Variants in UBR1 observed in about 807,000 individuals in gnomAD.
The protein encoded by UBR1 is E3 ubiquitin-protein ligase UBR1.
A neutral mutation model predicts 242.1 loss-of-function variants in UBR1; 102 were observed. The observed-to-expected ratio is 0.42, with a 90% CI of 0.36 to 0.50. The LOEUF (loss-of-function observed/expected upper bound fraction) is 0.50, where lower values mean the gene tolerates loss of function less well. UBR1 is among the 20% of genes least tolerant of loss of function. UBR1 has a pLI of 0.01. For synonymous variants in UBR1, 675 were observed against 684.8 expected (o/e 0.99, Z 0.22); for missense variants, 1,772 against 2,101.8 (o/e 0.84, Z 3.07).
chr15:42,992,828 T>C (rs1280592989), intron 33 of UBR1, among the ~76,000 whole-genome samples: 1 of 152,232 alleles, frequency 6.6e-6, no homozygotes, highest in Non-Finnish European at 1.5e-5. Context: ...GTCAGTCAGA[T>C]TTATGACTGC....
At chr15:43,027,320 A>C (rs1303908581) in intron 22 of UBR1, among the ~76,000 whole-genome samples, 2 of 152,130 alleles carry the variant, frequency 1.3e-5, no homozygotes, top group African/African-American at 4.8e-5. Context: ...GAAATTCACT[A>C]TCAGTATCGA....
At chr15:43,072,838 A>C (rs1464837885) in intron 4 of UBR1, among the ~76,000 whole-genome samples, 1 of 152,190 alleles carries the variant, frequency 6.6e-6, no homozygotes, top group African/African-American at 2.4e-5. Context: ...AAATGTTAAA[A>C]CTATGTACTT....
At chr15:42,959,124 C>A (rs767147387) in intron 43 of UBR1, among the ~76,000 whole-genome samples, 6 of 152,240 alleles carry the variant, frequency 3.9e-5, no homozygotes, top group Non-Finnish European at 7.3e-5. Flanking sequence ...AGCCACGGCG[C>A]CTGGCCCCAA....
Position 43,068,043 on chromosome 15 carries a change from G to GAA in UBR1, c.660-9_660-8dup. On this transcript the variant is annotated splice_polypyrimidine_tract_variant and splice_region_variant and intron_variant, in intron 5 of 46. Coordinates refer to ENST00000290650, the MANE Select transcript of UBR1 (RefSeq NM_174916.3). ...GTATCTTTCATTTTTCTCCCTGTTA[G>GAA]AAAAAAAACATATATATTTGGATAC... 1 of 1,206,444 alleles carries GAA rather than the reference G, an allele frequency of 8.3e-7. No homozygotes were observed. The highest frequency in any genetic ancestry group is 1.7e-5 in the South Asian group (1 of 59,430). 74.7% of individuals were successfully genotyped at this position (1,206,444 alleles called of 1,614,324 possible).
chr15:43,074,579 G>A (rs1431167477), intron 4 of UBR1, among the ~76,000 whole-genome samples: 1 of 152,022 alleles, frequency 6.6e-6, no homozygotes, highest in East Asian at 1.9e-4. Context: ...ACAGGTGTGT[G>A]CCACCACACC....
chr15:42,968,885 T>C (rs528188138), intron 40 of UBR1, among the ~76,000 whole-genome samples: 6 of 152,344 alleles, frequency 3.9e-5, no homozygotes, highest in African/African-American at 1.2e-4. Flanking sequence ...CCATGGTGTG[T>C]ATGTGCCACA....
chr15:43,043,489 T>G (rs2033445691), intron 14 of UBR1, 94 bp from the exon 15 acceptor site: 1 of 1,148,880 alleles, frequency 8.7e-7, no homozygotes, highest in Non-Finnish European at 1.3e-6. Context: ...TGGCCTAGGC[T>G]GGAGTACAGT....
intron 46 of UBR1, among the ~76,000 whole-genome samples, chr15:42,949,821 T>TA (rs2031799828): frequency 6.7e-6 from 1 of 150,030 alleles, no homozygotes; most frequent in African/African-American, 2.4e-5. Context: ...AATAAATAAA[T>TA]AATAAAAATA....
At chr15:43,103,947 T>C (rs945914610) in intron 1 of UBR1, among the ~76,000 whole-genome samples, 21 of 151,428 alleles carry the variant, frequency 1.4e-4, no homozygotes, top group African/African-American at 4.6e-4. Context: ...AAGAGAGAGG[T>C]AGAATGATCT....
At chr15:43,050,050 C>T (rs555013214) in intron 12 of UBR1, among the ~76,000 whole-genome samples, 3 of 152,248 alleles carry the variant, frequency 2.0e-5, no homozygotes, top group East Asian at 1.9e-4. Flanking sequence ...CTCTCAGGCT[C>T]GAGTAATCCT....
chr15:43,004,795 C>T (rs185036786), intron 30 of UBR1, among the ~76,000 whole-genome samples: 5 of 152,292 alleles, frequency 3.3e-5, no homozygotes, highest in East Asian at 3.9e-4. Flanking sequence ...TCTGCCCAGC[C>T]GCCACCCCGT....
intron 20 of UBR1, among the ~76,000 whole-genome samples, chr15:43,030,429 G>T (rs1434122575): frequency 6.6e-6 from 1 of 152,202 alleles, no homozygotes; most frequent in East Asian, 1.9e-4. Flanking sequence ...ATGGCTGATG[G>T]CATCTGAATG....
chr15:42,971,461 A>G (rs1372891823), intron 39 of UBR1, among the ~76,000 whole-genome samples: 1 of 152,240 alleles, frequency 6.6e-6, no homozygotes, highest in Non-Finnish European at 1.5e-5. Context: ...AACTTGATAT[A>G]CAAATGTCTA....
At chr15:43,052,067 CAT>C (rs2033563861) in intron 12 of UBR1, among the ~76,000 whole-genome samples, 1 of 152,138 alleles carries the variant, frequency 6.6e-6, no homozygotes, top group Admixed American at 6.5e-5. Context: ...ACTAAATAGA[CAT>C]AAATTTTTTA....
At position 43,072,217 on chromosome 15, in the gene UBR1, A is replaced by G. The variant is rs574989361; in HGVS notation, c.529-1292T>C. ...AGTTTTAACATCTAAAAATCAATCA[A>G]TGTAATACACCATATAAACAGAATA... On this transcript the variant is annotated intron_variant, in intron 4 of 46. Coordinates refer to ENST00000290650, the MANE Select transcript of UBR1 (RefSeq NM_174916.3). Among the ~76,000 whole-genome samples the G allele has an allele frequency of 7.2e-5, 11 of 152,286 alleles. No homozygotes were observed. In the East Asian group the frequency reaches 1.9e-3, roughly 27 times the overall value.
chr15:43,050,336 T>C (rs780274560), intron 12 of UBR1, among the ~76,000 whole-genome samples: 29 of 151,792 alleles, frequency 1.9e-4, no homozygotes, highest in Non-Finnish European at 4.0e-4. Context: ...TGGGAGAAAA[T>C]TTTTGCAAAC....
chr15:43,082,621 TG>T lies in UBR1; in HGVS notation c.417+16del. On this transcript the variant is annotated intron_variant, in intron 3 of 46. Coordinates refer to ENST00000290650, the MANE Select transcript of UBR1 (RefSeq NM_174916.3). ...CAGATTCCTGCTTATTCAGAGGTTATGGTTATATTTTCTTACCTTGTAACGA... is the reference window on the plus strand; with the variant it reads ...CAGATTCCTGCTTATTCAGAGGTTATGTTATATTTTCTTACCTTGTAACGA... 1.2e-6 allele frequency: 2 copies of T among 1,607,438 alleles called. No individual in the cohort carries two copies. Among genetic ancestry groups the T allele is most frequent in the Non-Finnish European group, 1.7e-6 (2 of 1,174,138 alleles).
intron 27 of UBR1, among the ~76,000 whole-genome samples, chr15:43,019,130 C>T (rs2033069333): frequency 6.6e-6 from 1 of 151,886 alleles, no homozygotes; most frequent in East Asian, 1.9e-4. Flanking sequence ...GGTGTTATCT[C>T]GGCTCACTGC....
intron 46 of UBR1, among the ~76,000 whole-genome samples, chr15:42,949,965 A>G (rs941653555): frequency 9.3e-5 from 14 of 150,832 alleles, no homozygotes; most frequent in African/African-American, 3.2e-4. Context: ...CAGCCTCCCA[A>G]GTAGCTGCGA....
Sources: gnomAD v4.1 joint callset for allele counts (sites outside exome capture counted in the v4.1 genomes callset) on GRCh38, gnomAD v4.1.1 for gene constraint, MANE v1.5 for transcripts, NCBI Gene and HGNC (gene_info 2026-07-23, HGNC 2026-07-21) for gene names.